ARMC2: variants seen among roughly 807,000 people sequenced by gnomAD.
The protein encoded by ARMC2 is armadillo repeat containing 2.
ARMC2 carries 67 observed loss-of-function variants against 90.3 expected under a neutral mutation model. The observed-to-expected ratio is 0.74, with a 90% CI of 0.61 to 0.91. ARMC2 has a LOEUF of 0.91. Ranked by LOEUF, ARMC2 falls within the 40% of genes least tolerant of loss-of-function variation. ARMC2 has a pLI of 0.00. For synonymous variants in ARMC2, 393 were observed against 393.0 expected (o/e 1.00, Z 0.00); for missense variants, 920 against 1,030.9 (o/e 0.89, Z 1.47).
intron 12 of ARMC2, among the ~76,000 whole-genome samples, chr6:108,945,385 T>C (rs1583186999): frequency 6.6e-6 from 1 of 152,314 alleles, no homozygotes; most frequent in African/African-American, 2.4e-5. Context: ...AAATAAGACT[T>C]TCAAAAGACT....
chr6:108,866,394 A>T (rs1486730473), intron 3 of ARMC2, among the ~76,000 whole-genome samples: 1 of 152,266 alleles, frequency 6.6e-6, no homozygotes, highest in South Asian at 2.1e-4. Context: ...TTATGCAGAC[A>T]AACAAGTGTT....
intron 2 of ARMC2, chr6:108,856,339 G>A (rs1304847957): frequency 6.6e-6 from 1 of 152,504 alleles, no homozygotes; most frequent in Non-Finnish European, 1.5e-5. Context: ...ATGAGCCAAA[G>A]TTTTACTTGT....
chr6:108,881,123 A>G (rs1347519590), intron 5 of ARMC2, among the ~76,000 whole-genome samples: 6 of 150,864 alleles, frequency 4.0e-5, no homozygotes, highest in African/African-American at 7.3e-5. Context: ...CAAAGTACTG[A>G]GATTACAGGC....
At chr6:108,936,661 G>A (rs1037661627) in intron 11 of ARMC2, among the ~76,000 whole-genome samples, 5 of 152,182 alleles carry the variant, frequency 3.3e-5, no homozygotes, top group East Asian at 3.8e-4. Context: ...TCTGAATTAC[G>A]TGGGTAGTGT....
the ARMC2 span, among the ~76,000 whole-genome samples, chr6:109,031,158 G>A: frequency 2.0e-5 from 3 of 152,210 alleles, no homozygotes; most frequent in African/African-American, 7.2e-5. Context: ...ATGAACTCAA[G>A]AGACAGTTAA....
chr6:109,008,892 C>A, the ARMC2 span: 14 of 986,220 alleles, frequency 1.4e-5, no homozygotes, highest in Admixed American at 8.6e-4. Context: ...TTTTCTTTCT[C>A]TCTCTTTTAA....
At chr6:108,893,772 T>C (rs1192854454) in intron 5 of ARMC2, among the ~76,000 whole-genome samples, 1 of 152,114 alleles carries the variant, frequency 6.6e-6, no homozygotes, top group African/African-American at 2.4e-5. Flanking sequence ...ATCCCAGCAC[T>C]TTGGGAGGCT....
At chr6:108,924,747 G>A (rs944954717) in intron 10 of ARMC2, among the ~76,000 whole-genome samples, 4 of 152,214 alleles carry the variant, frequency 2.6e-5, no homozygotes, top group South Asian at 2.1e-4. Flanking sequence ...GCCGGAAGTC[G>A]CAGGAGGCCT....
intron 12 of ARMC2, among the ~76,000 whole-genome samples, chr6:108,937,902 TAGCCAGGATGGTC>T (rs1776089998): frequency 2.6e-5 from 4 of 152,086 alleles, no homozygotes; most frequent in African/African-American, 9.7e-5. Flanking sequence ...TTCACCGTGT[TAGCCAGGATGGTC>T]TTGATCTCCT....
intron 5 of ARMC2, among the ~76,000 whole-genome samples, chr6:108,877,816 G>C (rs1382745541): frequency 6.6e-6 from 1 of 152,290 alleles, no homozygotes; most frequent in Admixed American, 6.5e-5. Flanking sequence ...GACAGCAGGG[G>C]CATTTTCATT....
intron 15 of ARMC2, among the ~76,000 whole-genome samples, chr6:108,963,442 G>A (rs1247627415): frequency 3.9e-5 from 6 of 152,180 alleles, no homozygotes; most frequent in African/African-American, 4.8e-5. Context: ...ACATATGTAC[G>A]TGATGTTGCC....
chr6:108,943,991 A>G (rs927518119), intron 12 of ARMC2, among the ~76,000 whole-genome samples: 1 of 152,148 alleles, frequency 6.6e-6, no homozygotes, highest in Non-Finnish European at 1.5e-5. Flanking sequence ...GGGCCCAAGA[A>G]CCTATTTTTA....
the ARMC2 span, among the ~76,000 whole-genome samples, chr6:109,025,799 T>C: frequency 6.6e-6 from 1 of 151,904 alleles, no homozygotes; most frequent in East Asian, 1.9e-4. Context: ...AAATGAAATT[T>C]ATGAGAGAGA....
chr6:108,909,031 T>G (rs950731995), intron 8 of ARMC2, among the ~76,000 whole-genome samples: 1 of 152,194 alleles, frequency 6.6e-6, no homozygotes, highest in Non-Finnish European at 1.5e-5. Context: ...GATCATGCCC[T>G]TGCACTCTAA....
At chr6:108,987,623 A>G in the ARMC2 span, 1 of 1,572,072 alleles carries the variant, frequency 6.4e-7, no homozygotes, top group Non-Finnish European at 8.7e-7. Context: ...AAGCAGATTA[A>G]CATGAACCTG....
At chr6:109,002,214 G>A in the ARMC2 span, 2 of 1,406,982 alleles carry the variant, frequency 1.4e-6, no homozygotes, top group Non-Finnish European at 2.0e-6. Context: ...ATGCCAACAT[G>A]TGGGTCATGA....
chr6:108,927,349 C>T (rs1379324459), intron 10 of ARMC2, among the ~76,000 whole-genome samples: 4 of 152,216 alleles, frequency 2.6e-5, no homozygotes, highest in Non-Finnish European at 4.4e-5. Context: ...GAAAAATGAG[C>T]TCTGGGAGGT....
chr6:109,001,176 CATATT>C, the ARMC2 span: 23 of 882,220 alleles, frequency 2.6e-5, no homozygotes, highest in African/African-American at 3.6e-4. Context: ...CAACAGGAAT[CATATT>C]ATATATCATA....
the ARMC2 span, among the ~76,000 whole-genome samples, chr6:109,039,199 C>T: frequency 2.6e-5 from 4 of 151,762 alleles, no homozygotes; most frequent in Non-Finnish European, 4.4e-5. Context: ...AGGCTCTGTG[C>T]CTGAGGGCAA....
Sources: allele counts gnomAD v4.1 joint callset (sites outside exome capture counted in the v4.1 genomes callset), GRCh38; gene constraint gnomAD v4.1.1; transcripts MANE v1.5; gene names NCBI Gene and HGNC (gene_info 2026-07-23, HGNC 2026-07-21).